EFCAB8: variants seen among roughly 807,000 people sequenced by gnomAD.
EFCAB8 encodes EF-hand calcium binding domain 8, also known as EF-hand calcium-binding domain-containing protein 8.
Under a neutral mutation model 116.3 loss-of-function variants are expected in EFCAB8, and 100 were observed. That is an observed-to-expected ratio of 0.86 (90% CI 0.73 to 1.02). The LOEUF (loss-of-function observed/expected upper bound fraction) is 1.02. EFCAB8 is among the 50% of genes least tolerant of loss of function. EFCAB8 has a pLI of 0.00. For missense variants in EFCAB8, 1,320 were observed against 1,416.9 expected, an observed-to-expected ratio of 0.93 and a Z score of 1.10; for synonymous variants, 558 against 567.9, an observed-to-expected ratio of 0.98 and a Z score of 0.25.
At chr20:32,887,707 G>A (rs1985702291) in intron 6 of EFCAB8, among the ~76,000 whole-genome samples, 1 of 152,220 alleles carries the variant, frequency 6.6e-6, no homozygotes, top group Non-Finnish European at 1.5e-5. Flanking sequence ...TGCTGACCTG[G>A]CTCTGCTCGT....
chr20:32,922,224 C>G (rs1459711183), intron 20 of EFCAB8, among the ~76,000 whole-genome samples: 1 of 152,148 alleles, frequency 6.6e-6, no homozygotes. Context: ...TGGGTTAGTT[C>G]CAGTTTTTAG....
In EFCAB8 at chr20:32,885,635, T is replaced by A. The variant is rs1985586036; in HGVS notation, c.562T>A (p.Phe188Ile). ...WSESFSLMSS[F>I]RLNQTQQLYN... ...TGAGTCCTTCTCGCTGATGAGCTCC[T>A]TTAGGGTGAGTGGGGCCCCTACACA... is the stretch of plus-strand genomic sequence containing the variant. The change falls in exon 6 of 27, where the codon TTT (phenylalanine) becomes ATT (isoleucine). Residue 188 changes from phenylalanine (F) to isoleucine (I), a missense_variant. Coordinates refer to ENST00000400522, the MANE Select transcript of EFCAB8 (RefSeq NM_001143967.2). 4.5e-6 allele frequency: 7 copies of A among 1,551,722 alleles called. No homozygotes were observed. The East Asian group carries it at 1.7e-4, about 38-fold the overall frequency.
At position 32,931,302 on chromosome 20, in the gene EFCAB8, A is replaced by G. The variant is rs755011178; in HGVS notation, c.2756A>G (p.Asn919Ser). Residue 919 changes from asparagine to serine, a missense_variant, in exon 22 of 27, where the codon AAC (asparagine) becomes AGC (serine). Physicochemically the swap from Asn to Ser is conservative, Grantham distance 46. Coordinates refer to ENST00000400522, the MANE Select transcript of EFCAB8 (RefSeq NM_001143967.2). ...TTAATTCCTCAGCAACTTGGGACCA[A>G]CTTCCCACACTACATTCCCTTGGAG... is the stretch of plus-strand genomic sequence containing the variant. Reference protein sequence around the residue: ...RLLIPQQLGTNFPHYIPLEDK... With the variant: ...RLLIPQQLGTSFPHYIPLEDK... 78 of 1,550,658 alleles carry G rather than the reference A, an allele frequency of 5.0e-5. No individual in the cohort carries two copies. The highest frequency in any genetic ancestry group is 1.1e-4 in the African/African-American group (8 of 73,036).
Position 32,908,366 on chromosome 20 carries a change from C to A in EFCAB8, c.1400C>A (p.Ala467Asp). 8.0e-7 allele frequency: 1 copy of A among 1,250,014 alleles called. No homozygotes were observed. 77.4% of individuals were successfully genotyped at this position (1,250,014 alleles called of 1,614,324 possible). A position where few individuals can be genotyped will look rare whatever the true frequency, so the allele number is the denominator to read the frequency against. Residue 467 changes from alanine to aspartate, a missense_variant, in exon 14 of 27, where the codon GCC (alanine) becomes GAC (aspartate). Transcript: ENST00000400522. ...CTGGGAAACTGCCCCATCACCAGTG[C>A]CTACTTCTTCGAGAAGGACAATACC... ...FALGNCPITS[A>D]YFFEKDNTLI...
intron 14 of EFCAB8, 86 bp from the exon 15 acceptor site, chr20:32,909,735 T>C: frequency 3.3e-6 from 2 of 614,102 alleles, no homozygotes; most frequent in Admixed American, 4.4e-5. Context: ...GATGTCGTGA[T>C]TTATTGGAAG....
chr20:32,948,765 T>C (rs539812860), intron 23 of EFCAB8, among the ~76,000 whole-genome samples: 1 of 152,310 alleles, frequency 6.6e-6, no homozygotes, highest in African/African-American at 2.4e-5. Flanking sequence ...TGAAAAACTA[T>C]GTGATTATCT....
rs6058921 is a variant in EFCAB8, at chr20:32,870,289, T to C, written c.208+2542T>C. 4.0e-3 allele frequency among the ~76,000 whole-genome samples: 617 copies of C among 152,366 alleles called. 6 individuals are homozygous for C. Among genetic ancestry groups the C allele is most frequent in the African/African-American group, 0.014 (578 of 41,596 alleles). ...GTGTCTGGGAGGACTCCATTGGTAC[T>C]GACCTTGGCCATCGTTTTTATTGTG... On this transcript the variant is annotated intron_variant, in intron 3 of 26. Coordinates refer to ENST00000400522, the MANE Select transcript of EFCAB8 (RefSeq NM_001143967.2).
At position 32,889,296 on chromosome 20, in the gene EFCAB8, G is replaced by C. The variant is rs561801900; in HGVS notation, c.568-5G>C. 6.2e-5 allele frequency: 96 copies of C among 1,551,424 alleles called. No homozygotes were observed. In the South Asian group the frequency reaches 1.1e-3, roughly 18 times the overall value. On this transcript the variant is annotated splice_region_variant and splice_polypyrimidine_tract_variant and intron_variant, in intron 6 of 26. Coordinates refer to ENST00000400522, the MANE Select transcript of EFCAB8 (RefSeq NM_001143967.2). Reference sequence around the variant, plus strand: ...GCCCATCTCCTCTGCTCTTCCTCTGGCCAGCTTAACCAGACCCAGCAGCTC... The same window carrying C: ...GCCCATCTCCTCTGCTCTTCCTCTGCCCAGCTTAACCAGACCCAGCAGCTC...
rs766804986 is a variant in EFCAB8 at position 32,917,399 on chromosome 20, G to A, written c.1955G>A (p.Gly652Glu). ...GCCAAGTACCGGAACCAGTTCCTTG[G>A]GACCTCCTCCTACAGTGGGGACATC... ...SMAKYRNQFLGTSSYSGDILF... is the reference protein window; with the variant it reads ...SMAKYRNQFLETSSYSGDILF... Residue 652 changes from glycine (G) to glutamate (E), a missense_variant, in exon 18 of 27, where the codon GGG becomes GAG. By Grantham distance (98) the Gly-to-Glu change is moderately conservative (BLOSUM62 -2). Transcript: ENST00000400522. 1.4e-5 allele frequency: 21 copies of A among 1,551,880 alleles called. No individual in the cohort carries two copies. The highest frequency in any genetic ancestry group is 3.3e-4 in the Middle Eastern group (2 of 5,994).
chr20:32,929,866 C>T (rs1005470419), intron 20 of EFCAB8, among the ~76,000 whole-genome samples: 4 of 152,158 alleles, frequency 2.6e-5, no homozygotes, highest in African/African-American at 9.7e-5. Context: ...CCACATGGGC[C>T]ACAGGTGTGA....
chr20:32,950,537 A>G (rs1188265188), intron 23 of EFCAB8, among the ~76,000 whole-genome samples: 1 of 152,176 alleles, frequency 6.6e-6, no homozygotes, highest in African/African-American at 2.4e-5. Flanking sequence ...AAGAGTTTTT[A>G]AGGATTCAGG....
intron 1 of EFCAB8, among the ~76,000 whole-genome samples, chr20:32,863,309 C>G (rs796379403): frequency 6.6e-6 from 1 of 152,196 alleles, no homozygotes; most frequent in Non-Finnish European, 1.5e-5. Context: ...GAGCTCTGTT[C>G]TGTCTGCTCT....
intron 4 of EFCAB8, among the ~76,000 whole-genome samples, chr20:32,877,352 G>T (rs1985032600): frequency 6.6e-6 from 1 of 151,708 alleles, no homozygotes; most frequent in East Asian, 1.9e-4. Context: ...GGGATTACAG[G>T]CACCCACCAC....
At chr20:32,935,437 T>G (rs1364567334) in intron 22 of EFCAB8, among the ~76,000 whole-genome samples, 7 of 151,976 alleles carry the variant, frequency 4.6e-5, no homozygotes, top group East Asian at 1.9e-4. Flanking sequence ...TGACCTCAAG[T>G]GATCTGCCCG....
intron 14 of EFCAB8, 64 bp downstream of exon 14, chr20:32,908,476 C>T (rs1986780318): frequency 8.0e-7 from 1 of 1,247,578 alleles, no homozygotes; most frequent in Non-Finnish European, 1.0e-6. Flanking sequence ...GTCTGAATCC[C>T]ATGGGACACC....
intron 23 of EFCAB8, among the ~76,000 whole-genome samples, chr20:32,954,953 A>T (rs1988917817): frequency 6.6e-6 from 1 of 152,060 alleles, no homozygotes; most frequent in Non-Finnish European, 1.5e-5. Context: ...ATGGAACTTT[A>T]TTGTATTATG....
Position 32,882,296 on chromosome 20 carries a change from A to G in EFCAB8, c.432-3209A>G, listed in dbSNP as rs73615617. On this transcript the variant is annotated intron_variant, in intron 5 of 26. Coordinates refer to ENST00000400522, the MANE Select transcript of EFCAB8 (RefSeq NM_001143967.2). ...CTGCAAGTGGCAGCCCTCCAAACAG[A>G]ATATCGTCCATTCACTTTGAAACTG... Among the ~76,000 whole-genome samples, 9 of 152,222 alleles carry G rather than the reference A, an allele frequency of 5.9e-5. No homozygotes were observed. The East Asian group carries it at 1.5e-3, about 26-fold the overall frequency.
At chr20:32,915,407 T>G (rs576562012) in intron 17 of EFCAB8, among the ~76,000 whole-genome samples, 1 of 152,360 alleles carries the variant, frequency 6.6e-6, no homozygotes, top group East Asian at 1.9e-4. Context: ...CTTTGCCATT[T>G]TGTAACAAGT....
intron 4 of EFCAB8, among the ~76,000 whole-genome samples, chr20:32,877,537 A>T (rs1985043961): frequency 1.3e-5 from 2 of 152,220 alleles, no homozygotes. Flanking sequence ...GTTCTATAAT[A>T]AACATTTCCT....
Sources: gnomAD v4.1 joint callset for allele counts (sites outside exome capture counted in the v4.1 genomes callset) on GRCh38, gnomAD v4.1.1 for gene constraint, MANE v1.5 for transcripts, NCBI Gene and HGNC (gene_info 2026-07-23, HGNC 2026-07-21) for gene names.